Variants in VPS4A observed in about 807,000 individuals in gnomAD.
VPS4A encodes the protein vacuolar protein sorting 4 homolog A.
Under a neutral mutation model 52.3 loss-of-function variants are expected in VPS4A, and 20 were observed. The ratio of observed to expected loss-of-function variants is 0.38; its 90% confidence interval spans 0.27 to 0.56. The LOEUF (loss-of-function observed/expected upper bound fraction) is 0.56, where lower values mean the gene tolerates loss of function less well. Ranked by LOEUF, VPS4A falls within the 20% of genes least tolerant of loss-of-function variation. The probability of loss-of-function intolerance (pLI) is 0.72; values close to 1 mark genes in which losing one functional copy is unlikely to be tolerated. For missense variants in VPS4A, 419 were observed against 575.9 expected (o/e 0.73, Z 2.79); for synonymous variants, 293 against 227.7 (o/e 1.29, Z -2.58).
intron 1 of VPS4A, among the ~76,000 whole-genome samples, chr16:69,313,829 ATCC>A (rs1486382983): frequency 6.6e-6 from 1 of 151,900 alleles, no homozygotes; most frequent in Non-Finnish European, 1.5e-5. Context: ...CTTTTCTTTC[ATCC>A]TCATCTTTTG....
At position 69,322,628 on chromosome 16, in the gene VPS4A, G is replaced by T; in HGVS notation, c.1140G>T (p.Gly380=). The T allele has an allele frequency of 6.2e-7, 1 of 1,613,890 alleles. No individual in the cohort carries two copies. Among genetic ancestry groups the T allele is most frequent in the Non-Finnish European group, 8.5e-7 (1 of 1,179,848 alleles). The change falls in exon 10 of 11, where the codon GGG becomes GGT. Residue 380 remains glycine (G), a synonymous_variant. Coordinates refer to ENST00000254950, the MANE Select transcript of VPS4A (RefSeq NM_013245.3). ...ACCTCCTGACTCCATGCTCACCAGG[G>T]GACCCAGGAGCCATGGAGATGACTT... ...IDDLLTPCSP[G]DPGAMEMTWM...
intron 1 of VPS4A, among the ~76,000 whole-genome samples, chr16:69,312,460 G>T (rs1567421425): frequency 6.6e-6 from 1 of 152,056 alleles, no homozygotes; most frequent in Non-Finnish European, 1.5e-5. Context: ...ATGAGTTGGG[G>T]TACCAGGTTA....
In VPS4A at chr16:69,324,431, G is replaced by A; in HGVS notation, c.*122G>A. The A allele has an allele frequency of 1.8e-6, 2 of 1,090,390 alleles. No homozygotes were observed. The highest frequency in any genetic ancestry group is 2.1e-5 in the Admixed American group (1 of 48,200). The allele number at this position is 1,090,390 out of a possible 1,614,324, so 67.5% of individuals were successfully genotyped here. A position where few individuals can be genotyped will look rare whatever the true frequency, so the allele number is the denominator to read the frequency against. Reference sequence around the variant, plus strand: ...TCCCAGTCAATACAGAGTTCCCTCTGCTGTCTGGCCGTCTGCCAGGGAGCC... The same window carrying A: ...TCCCAGTCAATACAGAGTTCCCTCTACTGTCTGGCCGTCTGCCAGGGAGCC... On this transcript the variant is annotated 3_prime_UTR_variant, in exon 11 of 11. Coordinates refer to ENST00000254950, the MANE Select transcript of VPS4A (RefSeq NM_013245.3).
At position 69,320,277 on chromosome 16, in the gene VPS4A, G is replaced by A; in HGVS notation, c.757G>A (p.Val253Ile). 1 of 1,613,814 alleles carries A rather than the reference G, an allele frequency of 6.2e-7. No individual in the cohort carries two copies. Among genetic ancestry groups the A allele is most frequent in the South Asian group, 1.1e-5 (1 of 91,084 alleles). The change falls in exon 7 of 11, where the codon GTC becomes ATC. Residue 253 changes from valine (V) to isoleucine (I), a missense_variant. Coordinates refer to ENST00000254950, the MANE Select transcript of VPS4A (RefSeq NM_013245.3). This position sits in a 1 kb window ranked among gnomAD's most constrained non-coding sequence, Gnocchi z 4.2. ...CCGGAGGATCAAAACGGAGTTCTTG[G>A]TCCAGATGCAGGGTGTGTGCCGGGC... is the stretch of plus-strand genomic sequence containing the variant. ...AARRIKTEFL[V>I]QMQGVGNNND...
chr16:69,321,234 C>G lies in VPS4A; in HGVS notation c.1035C>G (p.Pro345=), dbSNP rs372188963. The G allele has an allele frequency of 2.6e-5, 40 of 1,561,878 alleles. No homozygotes were observed. The highest frequency in any genetic ancestry group is 3.4e-5 in the Non-Finnish European group (39 of 1,153,810). Reference sequence around the variant, plus strand: ...TCGTGCGGGACTCTCTCATGCAGCCCGTGAGGAAGGTGCAGTCGGCCACAC... The same window carrying G: ...TCGTGCGGGACTCTCTCATGCAGCCGGTGAGGAAGGTGCAGTCGGCCACAC... The part of the protein sequence containing the change: ...SIIVRDSLMQ[P]VRKVQSATHF... Residue 345 remains proline (P), a synonymous_variant, in exon 9 of 11, where the codon CCC becomes CCG. Coordinates refer to ENST00000254950, the MANE Select transcript of VPS4A (RefSeq NM_013245.3). The surrounding 1 kb of genome is among the most constrained non-coding windows in gnomAD (Gnocchi z 4.5).
At chr16:69,323,849 C>T (rs970274339) in intron 10 of VPS4A, 2 of 363,006 alleles carry the variant, frequency 5.5e-6, no homozygotes, top group African/African-American at 4.4e-5. Context: ...ATTTGGGAGG[C>T]TGAGGCAGGA....
chr16:69,313,344 C>T (rs545134328), intron 1 of VPS4A, among the ~76,000 whole-genome samples: 4 of 152,182 alleles, frequency 2.6e-5, no homozygotes, highest in Non-Finnish European at 4.4e-5. Context: ...GTTGTGTGAC[C>T]ATCACCATAA....
intron 1 of VPS4A, 133 bp downstream of exon 1, chr16:69,311,665 C>T: frequency 2.1e-6 from 2 of 951,518 alleles, no homozygotes; most frequent in Non-Finnish European, 2.7e-6. Context: ...CCGGCCGCCC[C>T]CTCGCCGCTT....
intron 3 of VPS4A, among the ~76,000 whole-genome samples, chr16:69,318,338 G>A (rs558457537): frequency 6.6e-6 from 1 of 152,180 alleles, no homozygotes; most frequent in African/African-American, 2.4e-5. Flanking sequence ...CACCTGGCCT[G>A]GGCTGCTCTT....
At position 69,319,374 on chromosome 16, in the gene VPS4A, TTC is replaced by T. The variant is rs772392976; in HGVS notation, c.464-9_464-8del. On this transcript the variant is annotated splice_polypyrimidine_tract_variant and intron_variant, in intron 5 of 10. Coordinates refer to ENST00000254950, the MANE Select transcript of VPS4A (RefSeq NM_013245.3). ...CAGTCAGGAGGCCTAACTTCTGTGG[TTC>T]TCTGTTGCAGGCAAGCGCACCCCCT... 2 of 1,613,554 alleles carry T rather than the reference TTC, an allele frequency of 1.2e-6. No individual in the cohort carries two copies. Among genetic ancestry groups the T allele is most frequent in the African/African-American group, 1.3e-5 (1 of 75,056 alleles).
At chr16:69,312,505 C>G (rs1965389030) in intron 1 of VPS4A, among the ~76,000 whole-genome samples, 1 of 152,194 alleles carries the variant, frequency 6.6e-6, no homozygotes, top group African/African-American at 2.4e-5. Flanking sequence ...CCCACCGTAC[C>G]ACCAGCAGAA....
At chr16:69,323,040 C>A (rs757933428) in intron 10 of VPS4A, 30 of 170,042 alleles carry the variant, frequency 1.8e-4, no homozygotes, top group Non-Finnish European at 2.8e-4. Context: ...TGCACTCCAG[C>A]CTGGGTGACA....
chr16:69,315,226 C>T (rs1156902836), intron 1 of VPS4A, among the ~76,000 whole-genome samples: 2 of 152,124 alleles, frequency 1.3e-5, no homozygotes, highest in East Asian at 1.9e-4. Flanking sequence ...AATAAAACCA[C>T]GTAGGTGCTT....
Position 69,324,535 on chromosome 16 carries a change from C to T in VPS4A, c.*226C>T, listed in dbSNP as rs1597216005. ...TGGACACTGCTCTTCCTACTTCCTC[C>T]TCTCCTGGATGCTCATCAGCTCCTT... On this transcript the variant is annotated 3_prime_UTR_variant, in exon 11 of 11. Transcript: ENST00000254950. The T allele has an allele frequency of 3.6e-6, 2 of 548,506 alleles. No homozygotes were observed. The highest frequency in any genetic ancestry group is 3.0e-5 in the East Asian group (1 of 32,986). 34.0% of individuals were successfully genotyped at this position (548,506 alleles called of 1,614,324 possible).
chr16:69,321,358 C>G lies in VPS4A; in HGVS notation c.1071+88C>G, dbSNP rs761132103. On this transcript the variant is annotated intron_variant, in intron 9 of 10. Coordinates refer to ENST00000254950, the MANE Select transcript of VPS4A (RefSeq NM_013245.3). This position sits in a 1 kb window ranked among gnomAD's most constrained non-coding sequence, Gnocchi z 4.5. ...TTTTCCCAGCTCCTGGTCCTGCTCC[C>G]CGGCTGCTCAGGTGACACAGTCTCT... 73 of 1,426,114 alleles carry G rather than the reference C, an allele frequency of 5.1e-5. No homozygotes were observed. The highest frequency in any genetic ancestry group is 6.8e-5 in the Non-Finnish European group (72 of 1,054,116). The allele number at this position is 1,426,114 out of a possible 1,614,324, so 88.3% of individuals were successfully genotyped here.
At position 69,326,121 on chromosome 16, in the gene VPS4A, C is replaced by G. The variant is rs918383777; in HGVS notation, c.*1812C>G. 1.3e-5 allele frequency: 2 copies of G among 152,402 alleles called. No individual in the cohort carries two copies. Among genetic ancestry groups the G allele is most frequent in the Non-Finnish European group, 2.9e-5 (2 of 68,152 alleles). The allele number at this position is 152,402 out of a possible 1,614,324, so 9.4% of individuals were successfully genotyped here. ...TAGCCTGCAAAGGGCTTTGTTCCAACCTTCCCTCTCCAAAACCCAGTACTG... is the reference window on the plus strand; with the variant it reads ...TAGCCTGCAAAGGGCTTTGTTCCAAGCTTCCCTCTCCAAAACCCAGTACTG... On this transcript the variant is annotated 3_prime_UTR_variant, in exon 11 of 11. Coordinates refer to ENST00000254950, the MANE Select transcript of VPS4A (RefSeq NM_013245.3).
chr16:69,318,940 C>T lies in VPS4A; in HGVS notation c.461C>T (p.Thr154Ile). The change falls in exon 5 of 11, where the codon ACA (threonine) becomes ATA (isoleucine). Residue 154 changes from threonine to isoleucine, a missense_variant and splice_region_variant. Thr to Ile is a moderately conservative substitution (Grantham distance 89, BLOSUM62 -1). This residue lies in a region of VPS4A where 103 missense variants were observed against 210.3 expected (regional missense o/e 0.49). Coordinates refer to ENST00000254950, the MANE Select transcript of VPS4A (RefSeq NM_013245.3). ...CCAATCAAATTCCCACACTTGTTCA[C>T]AGGTGAGAGTTGAGCCATTTCAAAC... ...ILPIKFPHLFTGKRTPWRGIL... is the reference protein window; with the variant it reads ...ILPIKFPHLFIGKRTPWRGIL... The T allele has an allele frequency of 1.2e-6, 2 of 1,613,052 alleles. No individual in the cohort carries two copies. Among genetic ancestry groups the T allele is most frequent in the Non-Finnish European group, 1.7e-6 (2 of 1,179,776 alleles).
At chr16:69,315,326 C>T (rs1965422953) in intron 1 of VPS4A, among the ~76,000 whole-genome samples, 1 of 152,230 alleles carries the variant, frequency 6.6e-6, no homozygotes, top group South Asian at 2.1e-4. Flanking sequence ...TCCAGAGGGA[C>T]ACAGTTCTCT....
intron 10 of VPS4A, among the ~76,000 whole-genome samples, chr16:69,323,944 C>CAAAA (rs373024058): frequency 1.5e-4 from 15 of 99,400 alleles, no homozygotes; most frequent in East Asian, 3.9e-4. Context: ...ACTCCGTCTC[C>CAAAA]AAAAAAAAAA....
Sources: gnomAD v4.1 joint callset for allele counts (sites outside exome capture counted in the v4.1 genomes callset) on GRCh38, gnomAD v4.1.1 for gene constraint, gnomAD v4.1.1 regional missense constraint, Gnocchi (gnomAD v3.1) non-coding constraint, MANE v1.5 for transcripts, NCBI Gene and HGNC (gene_info 2026-07-23, HGNC 2026-07-21) for gene names.